Variants in CFAP299 observed in about 807,000 individuals in gnomAD.
CFAP299 encodes cilia and flagella associated protein 299.
In CFAP299, 21 loss-of-function variants were observed where a neutral mutation model predicts 27.0. That is an observed-to-expected ratio of 0.78 (90% CI 0.55 to 1.12). CFAP299 has a LOEUF of 1.12. CFAP299 is among the 50% of genes most tolerant of loss of function. The pLI is 0.00. For missense variants in CFAP299, 310 were observed against 276.6 expected (o/e 1.12, Z -0.86); for synonymous variants, 104 against 98.1 (o/e 1.06, Z -0.36).
At chr4:80,924,514 A>ATGTGTGTGTG (rs35374483) in intron 4 of CFAP299, among the ~76,000 whole-genome samples, 139 of 137,506 alleles carry the variant, frequency 1.0e-3, no homozygotes, top group African/African-American at 3.7e-3. Context: ...ACAATTCATT[A>ATGTGTGTGTG]TGTGTGTGTG....
At chr4:80,322,075 T>A in the CFAP299 span, among the ~76,000 whole-genome samples, 3 of 152,204 alleles carry the variant, frequency 2.0e-5, no homozygotes, top group Non-Finnish European at 2.9e-5. Flanking sequence ...AGGGTCATTG[T>A]GGGCTGGGGC....
intron 3 of CFAP299, among the ~76,000 whole-genome samples, chr4:80,643,933 T>C (rs1330239936): frequency 6.6e-6 from 1 of 152,192 alleles, no homozygotes; most frequent in Non-Finnish European, 1.5e-5. Flanking sequence ...TACAGGATGC[T>C]TTAGTATTTA....
In CFAP299 at chr4:80,753,928, T is replaced by G. The variant is rs570969636; in HGVS notation, c.334-116065T>G. 3.9e-5 allele frequency among the ~76,000 whole-genome samples: 6 copies of G among 152,334 alleles called. No homozygotes were observed. The South Asian group carries it at 1.0e-3, about 26-fold the overall frequency. ...TCTCTACCTTTTCCACTAGAATCTTTAACACATTAATCATAGAAATTTTAA... is the reference window on the plus strand; with the variant it reads ...TCTCTACCTTTTCCACTAGAATCTTGAACACATTAATCATAGAAATTTTAA... On this transcript the variant is annotated intron_variant, in intron 3 of 5. Transcript: ENST00000358105.
chr4:80,615,168 T>C (rs1560657348), intron 3 of CFAP299, among the ~76,000 whole-genome samples: 1 of 152,174 alleles, frequency 6.6e-6, no homozygotes, highest in Non-Finnish European at 1.5e-5. Context: ...GAACTACAGC[T>C]GCTAATATTT....
Position 80,865,655 on chromosome 4 carries a change from A to G in CFAP299, c.334-4338A>G, listed in dbSNP as rs928440258. Among the ~76,000 whole-genome samples, 22 of 152,236 alleles carry G rather than the reference A, an allele frequency of 1.4e-4. No homozygotes were observed. The East Asian group carries it at 4.3e-3, about 29-fold the overall frequency. ...TTTTATTTTAGCAAACTTTTTAAAA[A>G]TTTCACTAAAAAGTCTTCTTAAAAA... On this transcript the variant is annotated intron_variant, in intron 3 of 5. Transcript: ENST00000358105.
intron 3 of CFAP299, among the ~76,000 whole-genome samples, chr4:80,819,384 G>C (rs903681212): frequency 9.9e-5 from 15 of 152,082 alleles, no homozygotes; most frequent in Admixed American, 3.9e-4. Context: ...GACTGAAAGA[G>C]GAATTAAATC....
At chr4:80,547,353 C>T (rs1734284224) in intron 2 of CFAP299, among the ~76,000 whole-genome samples, 2 of 152,118 alleles carry the variant, frequency 1.3e-5, no homozygotes, top group African/African-American at 4.8e-5. Flanking sequence ...GGACCCCTTC[C>T]TTTCACCATA....
At chr4:80,873,122 A>G (rs1339345368) in intron 4 of CFAP299, 10 of 489,636 alleles carry the variant, frequency 2.0e-5, no homozygotes, top group Non-Finnish European at 2.6e-5. Flanking sequence ...GCCCAGTATT[A>G]ATATAGCATA....
At chr4:80,388,199 T>C (rs1725125576) in intron 2 of CFAP299, 6 of 693,980 alleles carry the variant, frequency 8.6e-6, no homozygotes, top group South Asian at 3.1e-5. Flanking sequence ...CTAGGTGAGG[T>C]GGCTGGGCAC....
chr4:80,729,827 TCTC>T (rs1386224713), intron 3 of CFAP299, among the ~76,000 whole-genome samples: 3 of 151,906 alleles, frequency 2.0e-5, no homozygotes, highest in Non-Finnish European at 4.4e-5. Context: ...ATGGTTTCGA[TCTC>T]CTGACCTCGT....
At chr4:80,580,119 G>A (rs1247765546) in intron 2 of CFAP299, among the ~76,000 whole-genome samples, 2 of 152,088 alleles carry the variant, frequency 1.3e-5, no homozygotes, top group Non-Finnish European at 2.9e-5. Flanking sequence ...AATTGGAAGA[G>A]CACTGATTAT....
At position 80,521,189 on chromosome 4, in the gene CFAP299, G is replaced by A. The variant is rs184381640; in HGVS notation, c.243-61904G>A. On this transcript the variant is annotated intron_variant, in intron 2 of 5. Coordinates refer to ENST00000358105, the MANE Select transcript of CFAP299 (RefSeq NM_152770.3). ...GGTCTTTTTCCTGAGGAATTAAACC[G>A]ACACAAAAAAATCATTTATATATAT... is the stretch of plus-strand genomic sequence containing the variant. Among the ~76,000 whole-genome samples the A allele has an allele frequency of 7.1e-3, 1,087 of 152,150 alleles. 5 individuals are homozygous for A. The highest frequency in any genetic ancestry group is 0.012 in the Non-Finnish European group (834 of 67,974).
chr4:80,872,153 CA>C (rs1473484673), intron 4 of CFAP299: 1 of 151,952 alleles, frequency 6.6e-6, no homozygotes. Context: ...TGATTAAATG[CA>C]GTATAATTTT....
At chr4:80,878,272 G>C (rs978508310) in intron 4 of CFAP299, among the ~76,000 whole-genome samples, 3 of 152,048 alleles carry the variant, frequency 2.0e-5, no homozygotes, top group African/African-American at 7.2e-5. Flanking sequence ...TTGTCTTTTA[G>C]ATTGTTCCAC....
intron 3 of CFAP299, among the ~76,000 whole-genome samples, chr4:80,844,434 A>G (rs976943289): frequency 3.0e-4 from 45 of 152,222 alleles, no homozygotes; most frequent in Admixed American, 2.2e-3. Context: ...TGACTTTTTA[A>G]TGATCACCAT....
At chr4:80,488,776 G>A (rs758419052) in intron 2 of CFAP299, among the ~76,000 whole-genome samples, 4 of 152,108 alleles carry the variant, frequency 2.6e-5, no homozygotes, top group South Asian at 2.1e-4. Flanking sequence ...GCACCCGGCC[G>A]GTAACCACTC....
intron 2 of CFAP299, among the ~76,000 whole-genome samples, chr4:80,405,951 C>G (rs899644435): frequency 6.6e-6 from 1 of 152,146 alleles, no homozygotes; most frequent in South Asian, 2.1e-4. Context: ...CCAACTCACA[C>G]GTTCTTATTA....
intron 2 of CFAP299, among the ~76,000 whole-genome samples, chr4:80,366,565 T>C (rs886703974): frequency 6.6e-6 from 1 of 152,166 alleles, no homozygotes; most frequent in Admixed American, 6.6e-5. Flanking sequence ...AAAACAAGAC[T>C]TAGTTCTCAC....
intron 3 of CFAP299, among the ~76,000 whole-genome samples, chr4:80,659,231 GA>G (rs1236098123): frequency 6.6e-6 from 1 of 151,526 alleles, no homozygotes; most frequent in Non-Finnish European, 1.5e-5. Flanking sequence ...ATGACTTCCA[GA>G]AAAGATGAAA....
Sources: allele counts gnomAD v4.1 joint callset (sites outside exome capture counted in the v4.1 genomes callset), GRCh38; gene constraint gnomAD v4.1.1; transcripts MANE v1.5; gene names NCBI Gene and HGNC (gene_info 2026-07-23, HGNC 2026-07-21).